ZNF385D: variants seen among roughly 807,000 people sequenced by gnomAD.
ZNF385D encodes the protein zinc finger protein 659.
In ZNF385D, 15 loss-of-function variants were observed where a neutral mutation model predicts 35.8. The observed-to-expected ratio is 0.42, with a 90% confidence interval of 0.28 to 0.64. The LOEUF (loss-of-function observed/expected upper bound fraction) is 0.64, where lower values mean the gene tolerates loss of function less well. Among genes scored for constraint, ZNF385D ranks in the 30% least tolerant of loss-of-function variants. The probability of loss-of-function intolerance (pLI) is 0.23; values close to 1 mark genes in which losing one functional copy is unlikely to be tolerated. For synonymous variants in ZNF385D, 212 were observed against 186.8 expected (o/e 1.13, Z -1.10); for missense variants, 474 against 494.6 (o/e 0.96, Z 0.39).
At chr3:21,931,591 C>A (rs1701010775) in intron 3 of ZNF385D, among the ~76,000 whole-genome samples, 2 of 152,112 alleles carry the variant, frequency 1.3e-5, no homozygotes, top group Admixed American at 1.3e-4. Context: ...CAGCAATAAA[C>A]AAGAATATAC....
At chr3:21,757,192 C>T (rs951387706) in intron 3 of ZNF385D, among the ~76,000 whole-genome samples, 14 of 132,470 alleles carry the variant, frequency 1.1e-4, no homozygotes, top group Admixed American at 2.7e-4. Flanking sequence ...GCTGGAGTGG[C>T]GCAATCTCAG....
intron 3 of ZNF385D, among the ~76,000 whole-genome samples, chr3:22,107,931 C>T (rs1017252646): frequency 4.6e-5 from 7 of 151,720 alleles, no homozygotes; most frequent in Admixed American, 3.3e-4. Flanking sequence ...CGTGAGGACT[C>T]CTCCCTCATG....
intron 2 of ZNF385D, among the ~76,000 whole-genome samples, chr3:22,219,556 T>C (rs1335771014): frequency 6.6e-6 from 1 of 152,148 alleles, no homozygotes. Context: ...TAATGTATCA[T>C]TAAATAGTAC....
At chr3:21,437,258 C>G in intron 4 of ZNF385D, 55 bp from the exon 5 acceptor site, 2 of 1,497,934 alleles carry the variant, frequency 1.3e-6, no homozygotes, top group South Asian at 2.5e-5. Context: ...TTATCTTTCC[C>G]TATTCAGGAA....
At chr3:21,564,451 T>TATC (rs1353347028) in intron 3 of ZNF385D, 123 bp downstream of exon 3, 13 of 521,062 alleles carry the variant, frequency 2.5e-5, no homozygotes, top group African/African-American at 5.9e-5. Flanking sequence ...GTTAAAATGT[T>TATC]ATCTTTGAAT....
chr3:21,563,619 G>A (rs944418672), intron 3 of ZNF385D, among the ~76,000 whole-genome samples: 1 of 152,144 alleles, frequency 6.6e-6, no homozygotes, highest in Non-Finnish European at 1.5e-5. Flanking sequence ...CTTGACTGGA[G>A]AGGTTAAATA....
rs148146503 is a variant in ZNF385D at position 22,280,811 on chromosome 3, G to A, written c.106+91639C>T. The stretch of plus-strand genomic sequence containing the variant: ...TTCTAGTTCTTTGAGGAATGATTGC[G>A]GTATTTTGATTGGAATTGTATTAAT... On this transcript the variant is annotated intron_variant, in intron 2 of 5. Coordinates refer to the ZNF385D transcript ENST00000494108. Among the ~76,000 whole-genome samples the A allele has an allele frequency of 1.3e-3, 194 of 152,062 alleles. 2 individuals are homozygous for A. Among genetic ancestry groups the A allele is most frequent in the African/African-American group, 4.5e-3 (188 of 41,476 alleles).
intron 3 of ZNF385D, among the ~76,000 whole-genome samples, chr3:21,918,386 A>G (rs777816006): frequency 2.6e-5 from 4 of 152,202 alleles, no homozygotes; most frequent in Non-Finnish European, 4.4e-5. Context: ...CATTGTTGTT[A>G]TTTGGATTTT....
chr3:21,691,045 CA>C (rs2067267033), intron 1 of ZNF385D, among the ~76,000 whole-genome samples: 1 of 152,096 alleles, frequency 6.6e-6, no homozygotes, highest in Non-Finnish European at 1.5e-5. Flanking sequence ...CTCGGTCTTT[CA>C]ACCCCTCCTT....
At chr3:21,883,761 G>C (rs750238885) in intron 3 of ZNF385D, among the ~76,000 whole-genome samples, 1 of 152,026 alleles carries the variant, frequency 6.6e-6, no homozygotes, top group East Asian at 1.9e-4. Context: ...TATAAGGCTA[G>C]AATTTATGTA....
chr3:21,590,867 A>C (rs1195655714), intron 2 of ZNF385D, among the ~76,000 whole-genome samples: 7 of 152,156 alleles, frequency 4.6e-5, no homozygotes, highest in African/African-American at 1.7e-4. Context: ...TTTATATTAC[A>C]TGCTGGACCT....
intron 2 of ZNF385D, among the ~76,000 whole-genome samples, chr3:22,245,979 A>G (rs1207518828): frequency 6.6e-6 from 1 of 152,052 alleles, no homozygotes; most frequent in African/African-American, 2.4e-5. Flanking sequence ...CTCAGTCCCA[A>G]CCAATCTCAG....
At chr3:22,265,318 C>T (rs1383316807) in intron 2 of ZNF385D, among the ~76,000 whole-genome samples, 1 of 151,908 alleles carries the variant, frequency 6.6e-6, no homozygotes, top group East Asian at 1.9e-4. Flanking sequence ...AAACCAGTTT[C>T]TACTGCTGTA....
intron 2 of ZNF385D, among the ~76,000 whole-genome samples, chr3:22,205,417 A>G (rs1201704838): frequency 3.3e-5 from 5 of 152,006 alleles, no homozygotes; most frequent in Non-Finnish European, 7.4e-5. Flanking sequence ...TTTATGAGCA[A>G]CAATAAATCA....
intron 3 of ZNF385D, among the ~76,000 whole-genome samples, chr3:22,049,284 G>T (rs534138201): frequency 5.9e-4 from 50 of 85,036 alleles, no homozygotes; most frequent in Non-Finnish European, 1.2e-3. Flanking sequence ...AAACAAGAGC[G>T]AAACTCAATC....
chr3:21,828,063 A>G (rs1348072822), intron 3 of ZNF385D, among the ~76,000 whole-genome samples: 1 of 152,236 alleles, frequency 6.6e-6, no homozygotes, highest in Non-Finnish European at 1.5e-5. Context: ...TGTACTTACA[A>G]CTAAATCTAT....
chr3:22,127,994 G>C (rs1159339081), intron 3 of ZNF385D, among the ~76,000 whole-genome samples: 1 of 152,122 alleles, frequency 6.6e-6, no homozygotes, highest in East Asian at 1.9e-4. Context: ...ACCTTCAGGT[G>C]ATTTCTCATT....
chr3:22,188,758 AC>A (rs1695818052), intron 2 of ZNF385D, among the ~76,000 whole-genome samples: 1 of 152,150 alleles, frequency 6.6e-6, no homozygotes, highest in Non-Finnish European at 1.5e-5. Flanking sequence ...CCGTGTGCAT[AC>A]TTTTTAAAAT....
chr3:22,307,661 G>C (rs1404897467), intron 2 of ZNF385D, among the ~76,000 whole-genome samples: 1 of 151,672 alleles, frequency 6.6e-6, no homozygotes, highest in Non-Finnish European at 1.5e-5. Context: ...TTGACCTAGT[G>C]GCAAGAGGTA....
Sources: gnomAD v4.1 joint callset for allele counts (sites outside exome capture counted in the v4.1 genomes callset) on GRCh38, gnomAD v4.1.1 for gene constraint, MANE v1.5 for transcripts, NCBI Gene and HGNC (gene_info 2026-07-23, HGNC 2026-07-21) for gene names.